The following GNA14 variants were observed in gnomAD, a reference collection of about 807,000 sequenced individuals.
GNA14 encodes the protein G protein subunit alpha 14.
In GNA14, 50 loss-of-function variants were observed where a neutral mutation model predicts 42.0. The ratio of observed to expected loss-of-function variants is 1.19; its 90% CI spans 0.95 to 1.51. The LOEUF (loss-of-function observed/expected upper bound fraction) is 1.51, where lower values mean the gene tolerates loss of function less well. Among genes scored for constraint, GNA14 ranks in the 40% most tolerant of loss-of-function variants. The probability of loss-of-function intolerance (pLI) is 0.00; values close to 1 mark genes in which losing one functional copy is unlikely to be tolerated. For synonymous variants in GNA14, 173 were observed against 163.1 expected, an observed-to-expected ratio of 1.06 and a Z score of -0.46; for missense variants, 473 against 446.2, an observed-to-expected ratio of 1.06 and a Z score of -0.54.
chr9:77,535,011 G>T (rs1837576571), intron 1 of GNA14, among the ~76,000 whole-genome samples: 1 of 152,220 alleles, frequency 6.6e-6, no homozygotes, highest in Admixed American at 6.5e-5. Flanking sequence ...GGAGGCTCAG[G>T]TTCCATTTCA....
intron 1 of GNA14, among the ~76,000 whole-genome samples, chr9:77,533,367 A>G (rs1366385286): frequency 6.6e-6 from 1 of 152,126 alleles, no homozygotes; most frequent in Non-Finnish European, 1.5e-5. Context: ...TTTAGTAGAG[A>G]CAGGGTTTCG....
At chr9:77,532,967 G>A (rs1837550597) in intron 1 of GNA14, among the ~76,000 whole-genome samples, 1 of 152,170 alleles carries the variant, frequency 6.6e-6, no homozygotes, top group South Asian at 2.1e-4. Context: ...AATGAGGCTA[G>A]GGGTGGAGGG....
At chr9:77,496,056 G>C (rs1322565216) in intron 2 of GNA14, among the ~76,000 whole-genome samples, 2 of 152,196 alleles carry the variant, frequency 1.3e-5, no homozygotes, top group Non-Finnish European at 2.9e-5. Flanking sequence ...TCCACACTGG[G>C]AGATGCACCG....
At chr9:77,489,726 T>G (rs781487741) in intron 2 of GNA14, among the ~76,000 whole-genome samples, 17 of 151,886 alleles carry the variant, frequency 1.1e-4, no homozygotes, top group Non-Finnish European at 1.6e-4. Context: ...AGGCAGCGCG[T>G]CTGGAGTTGT....
intron 1 of GNA14, among the ~76,000 whole-genome samples, chr9:77,539,041 C>T (rs1347292862): frequency 2.6e-5 from 4 of 152,136 alleles, no homozygotes; most frequent in Non-Finnish European, 4.4e-5. Flanking sequence ...ACTTCCAGTA[C>T]TATGTTGAAT....
intron 1 of GNA14, among the ~76,000 whole-genome samples, chr9:77,645,068 A>C (rs1360871021): frequency 6.6e-6 from 1 of 152,248 alleles, no homozygotes; most frequent in Non-Finnish European, 1.5e-5. Context: ...TCCCTAGTAG[A>C]CACTGACCTG....
Position 77,613,408 on chromosome 9 carries a change from T to A in GNA14, c.124+34262A>T, listed in dbSNP as rs1419221188. On this transcript the variant is annotated intron_variant, in intron 1 of 6. Coordinates refer to ENST00000341700, the MANE Select transcript of GNA14 (RefSeq NM_004297.4). ...GTAGGACAATGGGGAAATAAAGAAA[T>A]GACAGTTAAAGGATACGAAGTTTCA... 3.3e-5 allele frequency among the ~76,000 whole-genome samples: 5 copies of A among 152,122 alleles called. No individual in the cohort carries two copies. The East Asian group carries it at 9.6e-4, about 29-fold the overall frequency.
At chr9:77,534,945 T>C (rs1295653791) in intron 1 of GNA14, among the ~76,000 whole-genome samples, 1 of 152,164 alleles carries the variant, frequency 6.6e-6, no homozygotes. Flanking sequence ...CAAAGCAACC[T>C]CACCAGTGAG....
intron 1 of GNA14, among the ~76,000 whole-genome samples, chr9:77,573,540 C>T (rs755294046): frequency 6.6e-5 from 10 of 152,020 alleles, no homozygotes; most frequent in African/African-American, 1.2e-4. Flanking sequence ...AACTGATCTG[C>T]GCTCAAGAGA....
intron 2 of GNA14, among the ~76,000 whole-genome samples, chr9:77,493,051 G>A (rs1278951409): frequency 3.6e-5 from 4 of 112,522 alleles, no homozygotes; most frequent in Admixed American, 2.6e-4. Context: ...ATATATTTGG[G>A]AGATGCTCAG....
At chr9:77,532,365 C>T (rs1837542612) in intron 1 of GNA14, among the ~76,000 whole-genome samples, 1 of 152,188 alleles carries the variant, frequency 6.6e-6, no homozygotes, top group African/African-American at 2.4e-5. Flanking sequence ...ATTTCAATCC[C>T]TGGAACTTTA....
intron 1 of GNA14, among the ~76,000 whole-genome samples, chr9:77,551,927 G>T (rs1837791947): frequency 6.6e-6 from 1 of 151,672 alleles, no homozygotes; most frequent in African/African-American, 2.4e-5. Flanking sequence ...ATCACCTGAG[G>T]TCAGGAGTTC....
intron 2 of GNA14, among the ~76,000 whole-genome samples, chr9:77,516,411 T>C (rs983303851): frequency 6.6e-6 from 1 of 152,130 alleles, no homozygotes; most frequent in Non-Finnish European, 1.5e-5. Context: ...AAAACTGTCA[T>C]AGATGGGTGT....
chr9:77,528,379 G>C (rs913627611), intron 2 of GNA14, among the ~76,000 whole-genome samples: 21 of 152,018 alleles, frequency 1.4e-4, no homozygotes, highest in African/African-American at 4.8e-4. Flanking sequence ...CTCAGACATA[G>C]TATTATTCTC....
At chr9:77,497,079 TTC>T (rs1439022112) in intron 2 of GNA14, among the ~76,000 whole-genome samples, 3 of 152,286 alleles carry the variant, frequency 2.0e-5, no homozygotes, top group African/African-American at 4.8e-5. Context: ...TATCCTCTAC[TTC>T]TCACTCCCCT....
At chr9:77,469,462 AAATT>A (rs1244468697) in intron 2 of GNA14, among the ~76,000 whole-genome samples, 2 of 151,868 alleles carry the variant, frequency 1.3e-5, no homozygotes, top group Non-Finnish European at 2.9e-5. Flanking sequence ...TGTCACCCTA[AAATT>A]AATTAAGACA....
At chr9:77,643,486 G>A (rs1312317151) in intron 1 of GNA14, among the ~76,000 whole-genome samples, 2 of 152,028 alleles carry the variant, frequency 1.3e-5, no homozygotes, top group Non-Finnish European at 2.9e-5. Context: ...TGATCCGCCC[G>A]CCTCAGCCTC....
intron 1 of GNA14, among the ~76,000 whole-genome samples, chr9:77,568,502 AAAAGAAAG>A (rs1191336906): frequency 6.6e-6 from 1 of 151,466 alleles, no homozygotes; most frequent in Non-Finnish European, 1.5e-5. Context: ...AAAAAAAAAA[AAAAGAAAG>A]AAAGAAAGAA....
At chr9:77,506,653 TCAA>T (rs1379259125) in intron 2 of GNA14, among the ~76,000 whole-genome samples, 1 of 151,932 alleles carries the variant, frequency 6.6e-6, no homozygotes, top group African/African-American at 2.4e-5. Flanking sequence ...CTCCACCCTG[TCAA>T]CAGAGCGAGA....
Sources: allele counts gnomAD v4.1 joint callset (sites outside exome capture counted in the v4.1 genomes callset), GRCh38; gene constraint gnomAD v4.1.1; transcripts MANE v1.5; gene names NCBI Gene and HGNC (gene_info 2026-07-23, HGNC 2026-07-21).